PPARGC1B: variants seen among roughly 807,000 people sequenced by gnomAD.
PPARGC1B encodes the protein PPARG coactivator 1 beta, also known as peroxisome proliferator-activated receptor gamma coactivator 1-beta.
Under a neutral mutation model 101.6 loss-of-function variants are expected in PPARGC1B, and 34 were observed. The ratio of observed to expected loss-of-function variants is 0.33; its 90% CI spans 0.25 to 0.45. PPARGC1B has a LOEUF of 0.45. Among genes scored for constraint, PPARGC1B ranks in the 20% least tolerant of loss-of-function variants. The probability of loss-of-function intolerance (pLI) is 1.00; values close to 1 mark genes in which losing one functional copy is unlikely to be tolerated. For missense variants in PPARGC1B, 1,234 were observed against 1,317.6 expected (o/e 0.94, Z 0.98); for synonymous variants, 548 against 539.3 (o/e 1.02, Z -0.22).
At position 149,842,295 on chromosome 5, in the gene PPARGC1B, G is replaced by A. The variant is rs144054131; in HGVS notation, c.2734G>A (p.Asp912Asn). ...RVVYIQNLSS[D>N]MSSRELKRRF... ...GGTGTACATTCAAAATCTCTCCAGC[G>A]ACATGAGCTCCCGAGAGCTGAAGAG... Residue 912 changes from aspartate (D) to asparagine (N), a missense_variant, in exon 10 of 12, where the codon GAC becomes AAC. This residue lies in a region of PPARGC1B where 497 missense variants were observed against 529.5 expected (regional missense o/e 0.94). Coordinates refer to ENST00000309241, the MANE Select transcript of PPARGC1B (RefSeq NM_133263.4). 5.6e-6 allele frequency: 9 copies of A among 1,614,010 alleles called. No homozygotes were observed. The highest frequency in any genetic ancestry group is 1.3e-5 in the African/African-American group (1 of 74,924).
At chr5:149,843,173 C>T (rs1400733229) in intron 10 of PPARGC1B, among the ~76,000 whole-genome samples, 2 of 152,008 alleles carry the variant, frequency 1.3e-5, no homozygotes, top group Non-Finnish European at 2.9e-5. Flanking sequence ...AGAAAAGGCC[C>T]CAGGCCTTTT....
intron 1 of PPARGC1B, among the ~76,000 whole-genome samples, chr5:149,760,953 G>C (rs1327504190): frequency 6.6e-6 from 1 of 152,170 alleles, no homozygotes; most frequent in Non-Finnish European, 1.5e-5. Flanking sequence ...ATTTCCTGCT[G>C]CTCTAGTTAT....
At chr5:149,766,542 A>C (rs1755918562) in intron 1 of PPARGC1B, among the ~76,000 whole-genome samples, 2 of 152,126 alleles carry the variant, frequency 1.3e-5, no homozygotes, top group Admixed American at 1.3e-4. Context: ...GCAGAGCTGG[A>C]AATGTGAACC....
chr5:149,828,789 G>A (rs1484005462), intron 3 of PPARGC1B, among the ~76,000 whole-genome samples: 1 of 152,170 alleles, frequency 6.6e-6, no homozygotes, highest in Non-Finnish European at 1.5e-5. Flanking sequence ...GCTTATACCT[G>A]TAATCCCAAC....
chr5:149,839,850 T>G (rs1038104163), intron 8 of PPARGC1B, among the ~76,000 whole-genome samples, 191 bp from the exon 9 acceptor site: 2 of 152,184 alleles, frequency 1.3e-5, no homozygotes, highest in African/African-American at 4.8e-5. Flanking sequence ...TGTCCAGATG[T>G]TCAGGCCCAC....
intron 1 of PPARGC1B, among the ~76,000 whole-genome samples, chr5:149,769,644 C>G (rs903798634): frequency 6.6e-6 from 1 of 152,186 alleles, no homozygotes; most frequent in Non-Finnish European, 1.5e-5. Context: ...ACATGTAGTG[C>G]CTTAACACAG....
In PPARGC1B at chr5:149,832,973, C is replaced by T. The variant is rs141866379; in HGVS notation, c.900C>T (p.Pro300=). 3.1e-6 allele frequency: 5 copies of T among 1,613,422 alleles called. No homozygotes were observed. The African/African-American group carries it at 5.3e-5, about 17-fold the overall frequency. Residue 300 remains proline (P), a synonymous_variant, in exon 5 of 12, where the codon CCC becomes CCT. Coordinates refer to ENST00000309241, the MANE Select transcript of PPARGC1B (RefSeq NM_133263.4). The surrounding 1 kb of genome is among the most constrained non-coding windows in gnomAD (Gnocchi z 4.9). ...LIRYMHTYCL[P]QRKLPPQTPE... is the part of the protein sequence containing the mutation. ...GCTACATGCACACCTACTGCCTCCCCCAGAGGAAGCTGCCCCCACAGACCC... is the reference window on the plus strand; with the variant it reads ...GCTACATGCACACCTACTGCCTCCCTCAGAGGAAGCTGCCCCCACAGACCC...
chr5:149,822,600 T>C (rs1414412947), intron 2 of PPARGC1B, among the ~76,000 whole-genome samples: 1 of 152,254 alleles, frequency 6.6e-6, no homozygotes, highest in Non-Finnish European at 1.5e-5. Context: ...TTGTCAGGGC[T>C]TAACAGTCAT....
Position 149,833,297 on chromosome 5 carries a change from C to T in PPARGC1B, c.1224C>T (p.Ser408=), listed in dbSNP as rs1758886173. 1 of 1,613,320 alleles carries T rather than the reference C, an allele frequency of 6.2e-7. No individual in the cohort carries two copies. Among genetic ancestry groups the T allele is most frequent in the African/African-American group, 1.3e-5 (1 of 74,936 alleles). ...ASPKSTGPRP[S]LRPLRLEVKR... ...CCAAGAGCACCGGGCCCAGACCAAGCCTGCGCCCACTGCGGCTGGAGGTGA... is the reference window on the plus strand; with the variant it reads ...CCAAGAGCACCGGGCCCAGACCAAGTCTGCGCCCACTGCGGCTGGAGGTGA... The change falls in exon 5 of 12, where the codon AGC becomes AGT. Residue 408 remains serine (S), a synonymous_variant. Transcript: ENST00000309241. This position sits in a 1 kb window ranked among gnomAD's most constrained non-coding sequence, Gnocchi z 4.1.
chr5:149,771,291 G>A (rs960113923), intron 1 of PPARGC1B, among the ~76,000 whole-genome samples: 6 of 152,216 alleles, frequency 3.9e-5, no homozygotes, highest in African/African-American at 1.4e-4. Context: ...ATGGGCCCAG[G>A]AAGAGACCTG....
At chr5:149,775,286 G>A (rs1463550718) in intron 1 of PPARGC1B, among the ~76,000 whole-genome samples, 1 of 152,184 alleles carries the variant, frequency 6.6e-6, no homozygotes, top group African/African-American at 2.4e-5. Context: ...GTGATATGGA[G>A]CCTAGGTTCT....
rs752632269 is a variant in PPARGC1B at position 149,832,673 on chromosome 5, CAAG to C, written c.604_606del (p.Lys202del). On this transcript the variant is annotated inframe_deletion, in exon 5 of 12. Coordinates refer to ENST00000309241, the MANE Select transcript of PPARGC1B (RefSeq NM_133263.4). The surrounding 1 kb of genome is among the most constrained non-coding windows in gnomAD (Gnocchi z 4.9). ...CTCTCTAGGCGGACAGCACCCAAGA[CAAG>C]AAGGCTCCCATGATGCAGTCTCAGA... 103 of 1,546,246 alleles carry C rather than the reference CAAG, an allele frequency of 6.7e-5. No individual in the cohort carries two copies. Among genetic ancestry groups the C allele is most frequent in the Non-Finnish European group, 8.9e-5 (102 of 1,143,540 alleles).
At chr5:149,773,170 CA>C (rs1245270565) in intron 1 of PPARGC1B, among the ~76,000 whole-genome samples, 1 of 152,202 alleles carries the variant, frequency 6.6e-6, no homozygotes, top group Non-Finnish European at 1.5e-5. Flanking sequence ...GTGTTTGGGG[CA>C]ACCCCACAGG....
At chr5:149,784,707 A>G (rs1251268063) in intron 1 of PPARGC1B, among the ~76,000 whole-genome samples, 2 of 151,560 alleles carry the variant, frequency 1.3e-5, no homozygotes, top group Non-Finnish European at 2.9e-5. Flanking sequence ...AGCTGGGACT[A>G]CAGGCGCCCG....
At chr5:149,738,329 G>A (rs1436205999) in intron 1 of PPARGC1B, among the ~76,000 whole-genome samples, 1 of 152,076 alleles carries the variant, frequency 6.6e-6, no homozygotes, top group Non-Finnish European at 1.5e-5. Flanking sequence ...CCCACCTTTT[G>A]TTTTCACCAC....
intron 1 of PPARGC1B, among the ~76,000 whole-genome samples, chr5:149,795,424 C>A (rs777823678): frequency 5.3e-5 from 8 of 152,146 alleles, no homozygotes; most frequent in African/African-American, 7.2e-5. Flanking sequence ...GGTCTTTTTC[C>A]ACCTGGGGCT....
rs1015220252 is a variant in PPARGC1B, at chr5:149,818,340, A to G, written c.79-2093A>G. On this transcript the variant is annotated intron_variant, in intron 1 of 11. Coordinates refer to ENST00000309241, the MANE Select transcript of PPARGC1B (RefSeq NM_133263.4). ...CTGGCTCAGAGTGAGTGGGCTCTCA[A>G]TAATGAGGATTGTGGAATACATGTG... 6.6e-5 allele frequency among the ~76,000 whole-genome samples: 10 copies of G among 152,236 alleles called. No homozygotes were observed. In the East Asian group the frequency reaches 1.7e-3, roughly 26 times the overall value.
chr5:149,799,690 G>GTTTTTTTT lies in PPARGC1B; in HGVS notation c.79-20741_79-20740insTTTTTTTT, dbSNP rs369350284. The stretch of plus-strand genomic sequence containing the variant: ...TTTTTTGTTTGTTTGTTTGCTTGTT[G>GTTTTTTTT]TTGTTTTTTTTTTTTTTTTTTTTTG... On this transcript the variant is annotated intron_variant, in intron 1 of 11. Coordinates refer to ENST00000309241, the MANE Select transcript of PPARGC1B (RefSeq NM_133263.4). Among the ~76,000 whole-genome samples, 213 of 64,988 alleles carry GTTTTTTTT rather than the reference G, an allele frequency of 3.3e-3. 5 individuals are homozygous for GTTTTTTTT. The highest frequency in any genetic ancestry group is 3.9e-3 in the Non-Finnish European group (128 of 32,914). The allele number at this position is 64,988 out of a possible 152,430, so 42.6% of individuals were successfully genotyped here. A position where few individuals can be genotyped will look rare whatever the true frequency, so the allele number is the denominator to read the frequency against.
At chr5:149,788,381 G>C (rs966221920) in intron 1 of PPARGC1B, among the ~76,000 whole-genome samples, 1 of 152,184 alleles carries the variant, frequency 6.6e-6, no homozygotes, top group Non-Finnish European at 1.5e-5. Flanking sequence ...ATGAGATACT[G>C]TCTCACACCA....
Sources: allele counts gnomAD v4.1 joint callset (sites outside exome capture counted in the v4.1 genomes callset), GRCh38; gene constraint gnomAD v4.1.1; regional missense constraint gnomAD v4.1.1; non-coding constraint Gnocchi (gnomAD v3.1); transcripts MANE v1.5; gene names NCBI Gene and HGNC (gene_info 2026-07-23, HGNC 2026-07-21).